TBC1D32: variants seen among roughly 807,000 people sequenced by gnomAD.
TBC1D32 encodes TBC1 domain family member 32.
TBC1D32 carries 151 observed loss-of-function variants against 170.3 expected under a neutral mutation model. The observed-to-expected ratio is 0.89, with a 90% CI of 0.78 to 1.01. TBC1D32 has a LOEUF of 1.01. Among genes scored for constraint, TBC1D32 ranks in the 50% least tolerant of loss-of-function variants. The pLI is 0.00. For synonymous variants in TBC1D32, 498 were observed against 488.0 expected, an observed-to-expected ratio of 1.02 and a Z score of -0.27; for missense variants, 1,464 against 1,457.1, an observed-to-expected ratio of 1.00 and a Z score of -0.08.
At chr6:121,137,557 A>G (rs1782264381) in intron 24 of TBC1D32, among the ~76,000 whole-genome samples, 1 of 151,776 alleles carries the variant, frequency 6.6e-6, no homozygotes, top group African/African-American at 2.4e-5. Flanking sequence ...AGAACACATC[A>G]AGTTTCATGT....
chr6:121,313,105 GGTGTGTGTGTGTGTGTGTGTGTGTGT>G (rs71018125), intron 3 of TBC1D32, among the ~76,000 whole-genome samples: 1,249 of 111,272 alleles, frequency 0.011, 22 homozygotes, highest in African/African-American at 0.035. Context: ...AAGCTAAGGT[GGTGTGTGTGTGTGTGTGTGTGTGTGT>G]GTGTGTGTGT....
At chr6:121,156,807 T>A (rs932146439) in intron 24 of TBC1D32, among the ~76,000 whole-genome samples, 1 of 152,176 alleles carries the variant, frequency 6.6e-6, no homozygotes, top group Middle Eastern at 3.2e-3. Context: ...TTAATTTCCA[T>A]GTTTTTGTGT....
intron 17 of TBC1D32, among the ~76,000 whole-genome samples, chr6:121,247,822 A>G (rs1284072501): frequency 6.6e-6 from 1 of 151,958 alleles, no homozygotes; most frequent in Non-Finnish European, 1.5e-5. Context: ...TTATAAAACC[A>G]TTACTACTAG....
chr6:121,225,827 T>C (rs1018834102), intron 20 of TBC1D32, among the ~76,000 whole-genome samples: 7 of 152,136 alleles, frequency 4.6e-5, no homozygotes, highest in Non-Finnish European at 1.0e-4. Flanking sequence ...TGATGTATTA[T>C]GCATTTCTGG....
chr6:121,089,957 C>T (rs1300731033), intron 31 of TBC1D32, among the ~76,000 whole-genome samples: 1 of 144,428 alleles, frequency 6.9e-6, no homozygotes, highest in Non-Finnish European at 1.5e-5. Context: ...TTTTTGGAGA[C>T]GAGTCTCACT....
chr6:121,187,541 G>A lies in TBC1D32; in HGVS notation c.2570+17534C>T, dbSNP rs145184596. On this transcript the variant is annotated intron_variant, in intron 22 of 31. Transcript: ENST00000398212. ...CTTGTCCATTGGTTTTTCAGCTCCT[G>A]AAATTATATTGTGGAAGCCTCCAAC... is the stretch of plus-strand genomic sequence containing the variant. Among the ~76,000 whole-genome samples the A allele has an allele frequency of 8.9e-3, 1,351 of 152,148 alleles. 24 individuals are homozygous for A. Among genetic ancestry groups the A allele is most frequent in the African/African-American group, 0.031 (1,277 of 41,506 alleles).
chr6:121,260,987 T>TC (rs1799687650), intron 15 of TBC1D32, among the ~76,000 whole-genome samples: 1 of 152,066 alleles, frequency 6.6e-6, no homozygotes, highest in South Asian at 2.1e-4. Context: ...CAAGAGGTAT[T>TC]CCCCACAGCG....
intron 25 of TBC1D32, among the ~76,000 whole-genome samples, chr6:121,130,770 G>A (rs1208557600): frequency 6.6e-6 from 1 of 151,964 alleles, no homozygotes; most frequent in Non-Finnish European, 1.5e-5. Flanking sequence ...ATATTAAACT[G>A]TGCAGCCCAC....
chr6:121,263,302 CA>C (rs1269437406), intron 15 of TBC1D32, among the ~76,000 whole-genome samples: 1 of 151,708 alleles, frequency 6.6e-6, no homozygotes, highest in Non-Finnish European at 1.5e-5. Context: ...CAGTTTCTGA[CA>C]AAACAGACTT....
rs1263990248 is a variant in TBC1D32, at chr6:121,212,480, G to C, written c.2482-7317C>G. Reference sequence around the variant, plus strand: ...TTTTTTTTTTTTTTTTTGAGATGGAGTTTCCCTCTTGTTTCCCAGGCTGGA... The same window carrying C: ...TTTTTTTTTTTTTTTTTGAGATGGACTTTCCCTCTTGTTTCCCAGGCTGGA... On this transcript the variant is annotated intron_variant, in intron 21 of 31. Coordinates refer to ENST00000398212, the MANE Select transcript of TBC1D32 (RefSeq NM_152730.6). 2.3e-5 allele frequency among the ~76,000 whole-genome samples: 3 copies of C among 131,280 alleles called. No homozygotes were observed. In the East Asian group the frequency reaches 6.5e-4, roughly 28 times the overall value. 86.1% of individuals were successfully genotyped at this position (131,280 alleles called of 152,430 possible).
intron 10 of TBC1D32, among the ~76,000 whole-genome samples, chr6:121,295,289 C>CAAAA (rs60783883): frequency 3.1e-4 from 34 of 108,554 alleles, no homozygotes; most frequent in South Asian, 6.7e-4. Flanking sequence ...ATCCTAATTC[C>CAAAA]AAAAAAAAAA....
At chr6:121,314,198 A>T (rs1808619672) in intron 3 of TBC1D32, among the ~76,000 whole-genome samples, 2 of 152,288 alleles carry the variant, frequency 1.3e-5, no homozygotes, top group Middle Eastern at 6.8e-3. Flanking sequence ...CAAAAACAGC[A>T]ATCACATCAC....
chr6:121,127,086 GT>G (rs1228129960), intron 25 of TBC1D32, among the ~76,000 whole-genome samples: 2 of 152,086 alleles, frequency 1.3e-5, no homozygotes, highest in Non-Finnish European at 2.9e-5. Flanking sequence ...GTGGTTTTGA[GT>G]TTTTTGTTGT....
At chr6:121,210,993 A>G (rs1032512714) in intron 21 of TBC1D32, among the ~76,000 whole-genome samples, 83 of 101,150 alleles carry the variant, frequency 8.2e-4, no homozygotes, top group Admixed American at 5.1e-3. Context: ...ACAATAAAAA[A>G]AATATAGACA....
chr6:121,313,331 T>C (rs1159179216), intron 3 of TBC1D32, among the ~76,000 whole-genome samples: 1 of 150,332 alleles, frequency 6.7e-6, no homozygotes, highest in Non-Finnish European at 1.5e-5. Context: ...GTTGGAGTGT[T>C]GGAGTGCAGT....
intron 22 of TBC1D32, among the ~76,000 whole-genome samples, chr6:121,168,501 G>A (rs1786408582): frequency 1.6e-5 from 1 of 62,338 alleles, no homozygotes; most frequent in Non-Finnish European, 3.4e-5. Context: ...TCATAGGTGG[G>A]AATTGAACAA....
intron 26 of TBC1D32, 146 bp downstream of exon 26, chr6:121,126,232 C>T (rs559698471): frequency 3.4e-5 from 18 of 521,776 alleles, no homozygotes; most frequent in Admixed American, 1.8e-4. Context: ...AGAAAAGAGG[C>T]TTAATGATAT....
chr6:121,295,644 GAA>G (rs202140829), intron 10 of TBC1D32, among the ~76,000 whole-genome samples: 2 of 146,018 alleles, frequency 1.4e-5, no homozygotes, highest in Non-Finnish European at 3.0e-5. Flanking sequence ...ATAGTTGATA[GAA>G]AAAAAAAATA....
intron 9 of TBC1D32, among the ~76,000 whole-genome samples, chr6:121,300,738 C>T (rs931114801): frequency 4.6e-5 from 7 of 152,132 alleles, no homozygotes; most frequent in African/African-American, 1.7e-4. Context: ...AAACTATCAT[C>T]AGAGTGAACA....
Sources: allele counts gnomAD v4.1 joint callset (sites outside exome capture counted in the v4.1 genomes callset), GRCh38; gene constraint gnomAD v4.1.1; transcripts MANE v1.5; gene names NCBI Gene and HGNC (gene_info 2026-07-23, HGNC 2026-07-21).